Variants in CDH18 observed in about 807,000 individuals in gnomAD.
CDH18 encodes cadherin-18.
CDH18 carries 31 observed loss-of-function variants against 67.9 expected under a neutral mutation model. The ratio of observed to expected loss-of-function variants is 0.46; its 90% confidence interval spans 0.34 to 0.62. The LOEUF is 0.62. Ranked by LOEUF, CDH18 falls within the 20% of genes least tolerant of loss-of-function variation. CDH18 has a pLI of 0.01. For missense variants in CDH18, 890 were observed against 975.5 expected (o/e 0.91, Z 1.17); for synonymous variants, 362 against 347.2 (o/e 1.04, Z -0.48).
intron 7 of CDH18, among the ~76,000 whole-genome samples, chr5:19,583,260 A>G (rs1743573174): frequency 6.6e-6 from 1 of 152,088 alleles, no homozygotes; most frequent in Admixed American, 6.6e-5. Context: ...CTTTAAGAGG[A>G]AAATAAAACT....
chr5:20,256,061 A>T (rs1214405092), intron 1 of CDH18, among the ~76,000 whole-genome samples: 2 of 152,114 alleles, frequency 1.3e-5, no homozygotes, highest in African/African-American at 2.4e-5. Context: ...TAAATCAATA[A>T]AAAATATATA....
At chr5:19,548,145 T>C (rs1736664871) in intron 8 of CDH18, among the ~76,000 whole-genome samples, 1 of 152,080 alleles carries the variant, frequency 6.6e-6, no homozygotes, top group Non-Finnish European at 1.5e-5. Flanking sequence ...AATCAATACT[T>C]TATGAATGTA....
intron 8 of CDH18, among the ~76,000 whole-genome samples, chr5:19,553,633 C>CTTTTT (rs1021709184): frequency 2.8e-5 from 3 of 108,774 alleles, no homozygotes; most frequent in African/African-American, 3.7e-5. Flanking sequence ...TGGTCTCATA[C>CTTTTT]TTTTTTTTTT....
At chr5:20,120,017 T>A (rs1261062320) in intron 2 of CDH18, among the ~76,000 whole-genome samples, 1 of 152,114 alleles carries the variant, frequency 6.6e-6, no homozygotes, top group East Asian at 1.9e-4. Context: ...GCACATAAAA[T>A]GAATGGTGTT....
intron 1 of CDH18, among the ~76,000 whole-genome samples, chr5:20,403,997 C>T (rs1418070922): frequency 1.3e-5 from 2 of 152,210 alleles, no homozygotes; most frequent in African/African-American, 4.8e-5. Context: ...CTTGTTGCAG[C>T]TTCTACATCA....
chr5:19,652,359 G>A (rs547975609), intron 5 of CDH18, among the ~76,000 whole-genome samples: 1 of 152,112 alleles, frequency 6.6e-6, no homozygotes, highest in South Asian at 2.1e-4. Context: ...AAAAAGCTAA[G>A]GAAGTCACTA....
Position 20,161,894 on chromosome 5 carries a change from G to T in CDH18, c.-518+93550C>A, listed in dbSNP as rs1735916162. ...TAATCAATAAGATTAACTAAATTCA[G>T]AATGAATAACTATTAAAAGTTGGCT... is the stretch of plus-strand genomic sequence containing the variant. On this transcript the variant is annotated intron_variant, in intron 2 of 14. Transcript: ENST00000507958. 2.6e-5 allele frequency among the ~76,000 whole-genome samples: 4 copies of T among 152,228 alleles called. No homozygotes were observed. The South Asian group carries it at 8.3e-4, about 32-fold the overall frequency.
At chr5:20,172,836 C>A (rs1736939051) in intron 2 of CDH18, among the ~76,000 whole-genome samples, 1 of 151,548 alleles carries the variant, frequency 6.6e-6, no homozygotes, top group African/African-American at 2.4e-5. Flanking sequence ...GCTAAAAATA[C>A]AAAATTAGCC....
chr5:19,492,104 A>G (rs1741574703), intron 11 of CDH18, among the ~76,000 whole-genome samples: 1 of 152,178 alleles, frequency 6.6e-6, no homozygotes, highest in South Asian at 2.1e-4. Context: ...TAAAAGACAA[A>G]TTAAATGTGA....
intron 5 of CDH18, among the ~76,000 whole-genome samples, chr5:19,642,136 T>TAAA (rs1754087090): frequency 6.6e-6 from 1 of 151,808 alleles, no homozygotes; most frequent in South Asian, 2.1e-4. Context: ...AGAGGCAAAA[T>TAAA]ATTTGTACAC....
intron 1 of CDH18, among the ~76,000 whole-genome samples, chr5:20,501,558 TATATATATATA>T (rs1389376845): frequency 1.3e-4 from 3 of 23,368 alleles, no homozygotes; most frequent in South Asian, 1.2e-3. Context: ...ATATATATAA[TATATATATATA>T]ATATATATAT....
intron 2 of CDH18, among the ~76,000 whole-genome samples, chr5:19,856,704 C>A (rs1300681960): frequency 2.7e-5 from 4 of 148,062 alleles, no homozygotes; most frequent in African/African-American, 2.5e-5. Flanking sequence ...AAAGAGGCAG[C>A]AAAAAAAAAA....
intron 2 of CDH18, among the ~76,000 whole-genome samples, chr5:20,171,671 G>C (rs965353135): frequency 2.0e-5 from 3 of 151,838 alleles, no homozygotes; most frequent in Non-Finnish European, 4.4e-5. Flanking sequence ...TAGGTTGCTT[G>C]TTTATACTCG....
intron 4 of CDH18, among the ~76,000 whole-genome samples, chr5:19,744,078 T>C (rs748894400): frequency 6.6e-6 from 1 of 152,158 alleles, no homozygotes; most frequent in African/African-American, 2.4e-5. Context: ...CCATGAATGC[T>C]ATGTATTTGT....
chr5:20,429,543 C>T (rs1363377843), intron 1 of CDH18, among the ~76,000 whole-genome samples: 1 of 152,114 alleles, frequency 6.6e-6, no homozygotes, highest in Non-Finnish European at 1.5e-5. Flanking sequence ...GTCATACTGT[C>T]TTTCCCTTTT....
chr5:19,668,112 T>A (rs1758219117), intron 5 of CDH18, among the ~76,000 whole-genome samples: 1 of 152,020 alleles, frequency 6.6e-6, no homozygotes, highest in Non-Finnish European at 1.5e-5. Flanking sequence ...AAATAAAAAT[T>A]CACATATTTG....
chr5:19,502,487 C>T (rs1416436259), intron 11 of CDH18, among the ~76,000 whole-genome samples: 1 of 152,056 alleles, frequency 6.6e-6, no homozygotes, highest in Admixed American at 6.6e-5. Context: ...TCAAAAATTT[C>T]CAAAATATGC....
intron 2 of CDH18, among the ~76,000 whole-genome samples, chr5:20,141,185 C>A (rs935312529): frequency 2.0e-5 from 3 of 152,230 alleles, no homozygotes; most frequent in African/African-American, 4.8e-5. Flanking sequence ...CACCTACCAC[C>A]CATCTACAAG....
At chr5:20,093,068 G>T (rs1429650210) in intron 2 of CDH18, among the ~76,000 whole-genome samples, 1 of 151,934 alleles carries the variant, frequency 6.6e-6, no homozygotes. Context: ...AGAGTTCAGT[G>T]GTATTGAAAA....
Sources: gnomAD v4.1 joint callset for allele counts (sites outside exome capture counted in the v4.1 genomes callset) on GRCh38, gnomAD v4.1.1 for gene constraint, MANE v1.5 for transcripts, NCBI Gene and HGNC (gene_info 2026-07-23, HGNC 2026-07-21) for gene names.